Variants in AARS1 observed in about 807,000 individuals in gnomAD.
AARS1 encodes the protein alanine--tRNA ligase, cytoplasmic.
A neutral mutation model predicts 108.9 loss-of-function variants in AARS1; 72 were observed. The observed-to-expected ratio is 0.66, with a 90% CI of 0.55 to 0.80. AARS1 has a LOEUF of 0.80. AARS1 is among the 30% of genes least tolerant of loss of function. The probability of loss-of-function intolerance (pLI) is 0.00; values close to 1 mark genes in which losing one functional copy is unlikely to be tolerated. For synonymous variants in AARS1, 489 were observed against 465.7 expected (o/e 1.05, Z -0.64); for missense variants, 1,193 against 1,233.2 (o/e 0.97, Z 0.49).
At chr16:70,255,662 T>C (rs1056603014) in intron 16 of AARS1, 66 bp downstream of exon 16, 13 of 1,422,510 alleles carry the variant, frequency 9.1e-6, no homozygotes, top group South Asian at 1.2e-5. Flanking sequence ...GTTTGCTCTA[T>C]GGATTCGCAG....
At chr16:70,266,678 T>C (rs1230795209) in intron 9 of AARS1, among the ~76,000 whole-genome samples, 7 of 151,396 alleles carry the variant, frequency 4.6e-5, no homozygotes, top group African/African-American at 2.4e-5. Context: ...CCCGCCATCA[T>C]GCATGGCTAA....
In AARS1 at chr16:70,253,796, AACACCT is replaced by A. The variant is rs762934931; in HGVS notation, c.2521-2_2524del. 2 of 1,614,078 alleles carry A rather than the reference AACACCT, an allele frequency of 1.2e-6. No homozygotes were observed. Among genetic ancestry groups the A allele is most frequent in the South Asian group, 2.2e-5 (2 of 91,082 alleles). ...GTCGATGAACTGCTTCGTCTTCTCT[AACACCT>A]GCAAGAAAAAAGTCCAGAACAGCAG... On this transcript the variant is annotated splice_acceptor_variant and coding_sequence_variant, in exon 19 of 21. Transcript: ENST00000261772. LOFTEE classifies it high-confidence loss of function.
chr16:70,259,461 G>A (rs1436009637), intron 13 of AARS1, among the ~76,000 whole-genome samples: 1 of 152,106 alleles, frequency 6.6e-6, no homozygotes, highest in African/African-American at 2.4e-5. Context: ...AATGACGGCC[G>A]ATGGCTAAAT....
At chr16:70,274,026 A>G (rs910027893) in intron 4 of AARS1, among the ~76,000 whole-genome samples, 4 of 151,738 alleles carry the variant, frequency 2.6e-5, no homozygotes, top group Admixed American at 2.6e-4. Flanking sequence ...CTGTCTCAAA[A>G]AAACGAAACA....
intron 1 of AARS1, among the ~76,000 whole-genome samples, chr16:70,283,770 C>A (rs1016177946): frequency 6.6e-6 from 1 of 152,166 alleles, no homozygotes; most frequent in African/African-American, 2.4e-5. Context: ...AGCCTACATC[C>A]CCCAAGAACC....
chr16:70,258,331 T>A, intron 14 of AARS1, 114 bp from the exon 15 acceptor site: 1 of 1,148,048 alleles, frequency 8.7e-7, no homozygotes, highest in Non-Finnish European at 1.3e-6. Context: ...TGGCTTGGCC[T>A]AGCACGTGCC....
At chr16:70,260,553 C>A (rs1244238279) in intron 13 of AARS1, among the ~76,000 whole-genome samples, 1 of 152,216 alleles carries the variant, frequency 6.6e-6, no homozygotes, top group African/African-American at 2.4e-5. Flanking sequence ...CTGGTGAAAT[C>A]ACTGACTTGG....
chr16:70,282,905 T>A, intron 1 of AARS1, 121 bp from the exon 2 acceptor site: 1 of 924,062 alleles, frequency 1.1e-6, no homozygotes, highest in Non-Finnish European at 1.7e-6. Context: ...TGTTTGATCC[T>A]AAAACCTCTA....
In AARS1 at chr16:70,265,069, C is replaced by G; in HGVS notation, c.1381G>C (p.Asp461His). Residue 461 changes from aspartate to histidine, a missense_variant, in exon 11 of 21, where the codon GAC becomes CAC. Asp to His is a moderately conservative substitution (Grantham distance 81). Transcript: ENST00000261772. ...GCGTAAATGTCCAGCATAATGAGGT[C>G]TTCCCCACCAGCTCCCTTGCCCTGT... is the stretch of plus-strand genomic sequence containing the variant. ...KSQGKGAGGE[D>H]LIMLDIYAIE... The G allele has an allele frequency of 6.2e-7, 1 of 1,614,172 alleles. No homozygotes were observed. The highest frequency in any genetic ancestry group is 2.2e-5 in the East Asian group (1 of 44,880).
intron 2 of AARS1, among the ~76,000 whole-genome samples, chr16:70,281,412 T>C (rs1960692264): frequency 6.6e-6 from 1 of 152,104 alleles, no homozygotes; most frequent in Non-Finnish European, 1.5e-5. Context: ...ACGTCTATAA[T>C]CCCAGCACTT....
chr16:70,267,129 C>A (rs923398282), intron 9 of AARS1, among the ~76,000 whole-genome samples: 7 of 152,176 alleles, frequency 4.6e-5, no homozygotes, highest in African/African-American at 1.7e-4. Context: ...AGCCACCACA[C>A]CCAGCTGACA....
At position 70,268,322 on chromosome 16, in the gene AARS1, A is replaced by G. The variant is rs1336030685; in HGVS notation, c.1020T>C (p.Asn340=). ...RAVRYAHEKL[N]ASRGFFATLV... ...ACGTAGCAAAGAAGCCCCTGCTGGC[A>G]TTGAGCTTTTCATGGGCGTATCGGA... Residue 340 remains asparagine (N), a synonymous_variant, in exon 8 of 21, where the codon AAT becomes AAC. Coordinates refer to ENST00000261772, the MANE Select transcript of AARS1 (RefSeq NM_001605.3). 2 of 1,614,072 alleles carry G rather than the reference A, an allele frequency of 1.2e-6. No homozygotes were observed. The highest frequency in any genetic ancestry group is 1.7e-6 in the Non-Finnish European group (2 of 1,180,038).
At chr16:70,285,460 CTTTTT>C (rs1013491902) in intron 1 of AARS1, among the ~76,000 whole-genome samples, 2 of 150,090 alleles carry the variant, frequency 1.3e-5, no homozygotes, top group Non-Finnish European at 3.0e-5. Flanking sequence ...CTTTTTTTTT[CTTTTT>C]TGAGACAGAG....
intron 6 of AARS1, 114 bp from the exon 7 acceptor site, chr16:70,269,877 C>T (rs1960355718): frequency 1.4e-6 from 2 of 1,397,780 alleles, no homozygotes; most frequent in Admixed American, 1.7e-5. Context: ...GCCGGTCTTG[C>T]CAGATCCTAT....
chr16:70,285,102 G>A (rs1355468531), intron 1 of AARS1, among the ~76,000 whole-genome samples: 4 of 152,088 alleles, frequency 2.6e-5, no homozygotes, highest in African/African-American at 7.2e-5. Context: ...GATGGCGAGT[G>A]CCTGTAATCC....
rs1960571034 is a variant in AARS1 at position 70,277,153 on chromosome 16, A to T, written c.146T>A (p.Phe49Tyr). Reference protein sequence around the residue: ...LLFANAGMNQFKPIFLNTIDP... With the variant: ...LLFANAGMNQYKPIFLNTIDP... ...AATTGTGTTCAGGAAAATGGGTTTA[A>T]ACTAAAAGAGAAGGACAGCAGTTCA... is the stretch of plus-strand genomic sequence containing the variant. The change falls in exon 3 of 21, where the codon TTT (phenylalanine) becomes TAT (tyrosine). Residue 49 changes from phenylalanine (F) to tyrosine (Y), a missense_variant and splice_region_variant. Phe to Tyr is a conservative substitution (Grantham distance 22). Transcript: ENST00000261772. The T allele has an allele frequency of 6.2e-7, 1 of 1,613,990 alleles. No homozygotes were observed. The highest frequency in any genetic ancestry group is 1.7e-5 in the Admixed American group (1 of 59,970).
chr16:70,272,878 C>G (rs1229653528), intron 4 of AARS1, among the ~76,000 whole-genome samples: 1 of 99,658 alleles, frequency 1.0e-5, no homozygotes, highest in Non-Finnish European at 1.8e-5. Context: ...CCACTGCACT[C>G]CAGCCTGGGT....
chr16:70,287,003 G>A (rs1158531840), intron 1 of AARS1, among the ~76,000 whole-genome samples: 3 of 151,660 alleles, frequency 2.0e-5, no homozygotes, highest in Non-Finnish European at 4.4e-5. Flanking sequence ...TGTAATCCCA[G>A]CACTTTGGGA....
Position 70,269,617 on chromosome 16 carries a change from C to A in AARS1, c.962+1G>T, listed in dbSNP as rs1361458223. The A allele has an allele frequency of 6.2e-7, 1 of 1,613,906 alleles. No homozygotes were observed. The highest frequency in any genetic ancestry group is 1.7e-5 in the Admixed American group (1 of 60,012). ...CACCACCCAGTGTGCAGCATACTTA[C>A]CCACGCCCTGTGTTGTCAGGCCGGC... On this transcript the variant is annotated splice_donor_variant, in intron 7 of 20. Coordinates refer to ENST00000261772, the MANE Select transcript of AARS1 (RefSeq NM_001605.3). LOFTEE classifies it high-confidence loss of function.
Sources: allele counts gnomAD v4.1 joint callset (sites outside exome capture counted in the v4.1 genomes callset), GRCh38; gene constraint gnomAD v4.1.1; transcripts MANE v1.5; gene names NCBI Gene and HGNC (gene_info 2026-07-23, HGNC 2026-07-21).